The following CDYL variants were observed in gnomAD, a reference collection of about 807,000 sequenced individuals.
The protein encoded by CDYL is chromodomain Y like.
CDYL carries 8 observed loss-of-function variants against 47.3 expected under a neutral mutation model. The observed-to-expected ratio is 0.17, with a 90% CI of 0.10 to 0.31. The LOEUF is 0.31. Ranked by LOEUF, CDYL falls within the 10% of genes least tolerant of loss-of-function variation. The pLI, the probability that CDYL is intolerant of heterozygous loss-of-function variation, is 1.00. For missense variants in CDYL, 471 were observed against 701.4 expected, an observed-to-expected ratio of 0.67 and a Z score of 3.71; for synonymous variants, 266 against 265.0, an observed-to-expected ratio of 1.00 and a Z score of -0.04.
chr6:4,950,607 G>A (rs1181460471), intron 5 of CDYL, among the ~76,000 whole-genome samples: 2 of 152,096 alleles, frequency 1.3e-5, no homozygotes, highest in African/African-American at 4.8e-5. Context: ...GAAGAAGCTC[G>A]TCAGTTCAGG....
At chr6:4,856,924 C>T (rs1761025367) in intron 1 of CDYL, among the ~76,000 whole-genome samples, 1 of 152,132 alleles carries the variant, frequency 6.6e-6, no homozygotes, top group African/African-American at 2.4e-5. Context: ...ATATTTTTGT[C>T]CATCACTGTC....
chr6:4,914,920 G>A (rs1483101284), intron 2 of CDYL, among the ~76,000 whole-genome samples: 1 of 152,226 alleles, frequency 6.6e-6, no homozygotes, highest in Non-Finnish European at 1.5e-5. Flanking sequence ...GTCGGTGCAA[G>A]TGGACGAGTC....
intron 2 of CDYL, chr6:4,734,630 C>T: frequency 8.1e-7 from 1 of 1,237,918 alleles, no homozygotes; most frequent in Non-Finnish European, 1.1e-6. Context: ...TTTCTATGTT[C>T]AGTTAGACTC....
chr6:4,954,089 G>A lies in CDYL; in HGVS notation c.*33G>A, dbSNP rs376535749. ...GCTGCCCACTGGTGACACCGGGATC[G>A]GGCTGAGCAGGAGAACATCACCGGC... On this transcript the variant is annotated 3_prime_UTR_variant, in exon 7 of 7. Coordinates refer to ENST00000397588, the MANE Select transcript of CDYL (RefSeq NM_004824.4). 29 of 1,598,196 alleles carry A rather than the reference G, an allele frequency of 1.8e-5. No individual in the cohort carries two copies. The highest frequency in any genetic ancestry group is 1.6e-4 in the East Asian group (7 of 44,570).
chr6:4,912,877 C>T (rs1363825034), intron 2 of CDYL, among the ~76,000 whole-genome samples: 1 of 152,166 alleles, frequency 6.6e-6, no homozygotes, highest in Non-Finnish European at 1.5e-5. Context: ...AGGGCAGAGC[C>T]CCCATGACCC....
chr6:4,714,494 C>T (rs1757217460), intron 1 of CDYL: 2 of 152,182 alleles, frequency 1.3e-5, no homozygotes, highest in South Asian at 4.1e-4. Flanking sequence ...ATAATAAGCT[C>T]TCAACAGAAA....
chr6:4,777,919 G>A (rs1758513934), intron 1 of CDYL, among the ~76,000 whole-genome samples: 1 of 152,158 alleles, frequency 6.6e-6, no homozygotes, highest in African/African-American at 2.4e-5. Context: ...TAGAATTAAG[G>A]GTAAGGTTGT....
chr6:4,775,939 G>A (rs141547718), upstream of CDYL, among the ~76,000 whole-genome samples: 4,712 of 149,832 alleles, frequency 0.031, 110 homozygotes, highest in Non-Finnish European at 0.05. This position sits in a 1 kb window ranked among gnomAD's most constrained non-coding sequence, Gnocchi z 7.0. Context: ...GGCTCCAGAC[G>A]CGGGCCGGCT....
intron 1 of CDYL, among the ~76,000 whole-genome samples, chr6:4,866,638 T>C (rs539981638): frequency 9.9e-5 from 15 of 152,272 alleles, no homozygotes; most frequent in African/African-American, 2.6e-4. Flanking sequence ...GGTTGTATTA[T>C]AAATAAATTT....
At chr6:4,771,294 A>C (rs991256343) in intron 3 of CDYL, among the ~76,000 whole-genome samples, 1 of 151,934 alleles carries the variant, frequency 6.6e-6, no homozygotes, top group African/African-American at 2.4e-5. Context: ...TTGTATTTTT[A>C]GTGGAGATGG....
intron 1 of CDYL, among the ~76,000 whole-genome samples, chr6:4,848,655 A>T (rs1760734289): frequency 6.6e-6 from 1 of 152,242 alleles, no homozygotes; most frequent in African/African-American, 2.4e-5. Context: ...CCTAGGGAGT[A>T]TTAGCACAGT....
At chr6:4,763,310 C>T (rs1424211206) in intron 3 of CDYL, among the ~76,000 whole-genome samples, 1 of 151,806 alleles carries the variant, frequency 6.6e-6, no homozygotes, top group Non-Finnish European at 1.5e-5. Context: ...AACAAAAAAA[C>T]CAAAGGACAA....
At chr6:4,881,994 A>C (rs1270000181) in intron 1 of CDYL, among the ~76,000 whole-genome samples, 1 of 152,200 alleles carries the variant, frequency 6.6e-6, no homozygotes, top group African/African-American at 2.4e-5. Context: ...CATGCTCACT[A>C]TCCATCATAA....
chr6:4,739,280 G>A (rs961830715), intron 3 of CDYL, among the ~76,000 whole-genome samples: 2 of 152,046 alleles, frequency 1.3e-5, no homozygotes, highest in Admixed American at 1.3e-4. Flanking sequence ...CACTTTGGGA[G>A]GCTGAGGTGG....
At chr6:4,913,132 T>G (rs975717924) in intron 2 of CDYL, among the ~76,000 whole-genome samples, 1 of 152,216 alleles carries the variant, frequency 6.6e-6, no homozygotes, top group African/African-American at 2.4e-5. Flanking sequence ...TTTGTTTCCC[T>G]GGGATCAAAG....
At chr6:4,862,673 GTTAA>G (rs1761206315) in intron 1 of CDYL, among the ~76,000 whole-genome samples, 1 of 152,124 alleles carries the variant, frequency 6.6e-6, no homozygotes, top group South Asian at 2.1e-4. Flanking sequence ...CTTTAGAACA[GTTAA>G]TTAATTTGCT....
At chr6:4,937,392 A>G (rs750293910) in intron 3 of CDYL, among the ~76,000 whole-genome samples, 173 bp from the exon 4 acceptor site, 11 of 152,168 alleles carry the variant, frequency 7.2e-5, no homozygotes, top group Non-Finnish European at 1.3e-4. Flanking sequence ...GCTACTTAGG[A>G]GGCGGAGGCG....
intron 2 of CDYL, among the ~76,000 whole-genome samples, chr6:4,923,955 A>G (rs982808577): frequency 5.3e-5 from 8 of 151,508 alleles, no homozygotes; most frequent in Non-Finnish European, 8.8e-5. Context: ...TCCAAGGAGC[A>G]TTTTTTAGAA....
At chr6:4,864,008 GA>G (rs1761248935) in intron 1 of CDYL, among the ~76,000 whole-genome samples, 1 of 152,212 alleles carries the variant, frequency 6.6e-6, no homozygotes, top group Non-Finnish European at 1.5e-5. Context: ...AGGTAAAGTA[GA>G]AGATGTTGAA....
Sources: allele counts gnomAD v4.1 joint callset (sites outside exome capture counted in the v4.1 genomes callset), GRCh38; gene constraint gnomAD v4.1.1; non-coding constraint Gnocchi (gnomAD v3.1); transcripts MANE v1.5; gene names NCBI Gene and HGNC (gene_info 2026-07-23, HGNC 2026-07-21).